The following NPFFR2 variants were observed in gnomAD, a reference collection of about 807,000 sequenced individuals.
NPFFR2 encodes G-protein coupled receptor 74.
A neutral mutation model predicts 13.1 loss-of-function variants in NPFFR2; 15 were observed. That is an observed-to-expected ratio of 1.15 (90% CI 0.77 to 1.76). The LOEUF is 1.76. Ranked by LOEUF, NPFFR2 falls within the 40% of genes most tolerant of loss-of-function variation. The probability of loss-of-function intolerance (pLI) is 0.00; values close to 1 mark genes in which losing one functional copy is unlikely to be tolerated. For synonymous variants in NPFFR2, 190 were observed against 175.7 expected (o/e 1.08, Z -0.65); for missense variants, 572 against 503.5 (o/e 1.14, Z -1.30).
At chr4:72,061,874 C>T (rs1012554300) in intron 1 of NPFFR2, among the ~76,000 whole-genome samples, 19 of 151,948 alleles carry the variant, frequency 1.3e-4, no homozygotes, top group African/African-American at 3.1e-4. Context: ...ATAGGTGCAG[C>T]GACCACCATG....
intron 2 of NPFFR2, among the ~76,000 whole-genome samples, chr4:72,131,310 C>T (rs531921266): frequency 6.6e-6 from 1 of 151,914 alleles, no homozygotes; most frequent in East Asian, 1.9e-4. Flanking sequence ...GCCTCCTGTC[C>T]ATATCAGTTA....
At chr4:72,107,864 A>C (rs2109816259) in intron 1 of NPFFR2, among the ~76,000 whole-genome samples, 1 of 152,162 alleles carries the variant, frequency 6.6e-6, no homozygotes, top group African/African-American at 2.4e-5. Flanking sequence ...CTAAAATATT[A>C]TTTATGTGTA....
intron 2 of NPFFR2, among the ~76,000 whole-genome samples, chr4:72,133,374 T>G (rs1275787596): frequency 3.9e-5 from 6 of 152,230 alleles, no homozygotes; most frequent in African/African-American, 1.4e-4. Context: ...TATGTGTCTA[T>G]TTTTGTACTA....
At chr4:72,119,945 T>C (rs1374985786) in intron 1 of NPFFR2, among the ~76,000 whole-genome samples, 1 of 152,024 alleles carries the variant, frequency 6.6e-6, no homozygotes, top group African/African-American at 2.4e-5. Context: ...TTCAATCCCC[T>C]GGAGAGAGGG....
At position 72,038,901 on chromosome 4, in the gene NPFFR2, C is replaced by CTTTTT. The variant is rs34623356; in HGVS notation, c.-8+6704_-8+6705insTTTTT. On this transcript the variant is annotated intron_variant, in intron 1 of 3. Coordinates refer to ENST00000308744, the MANE Select transcript of NPFFR2 (RefSeq NM_004885.3). ...TTTTAATTCTTGATTTTTAAATTTC[C>CTTTTT]TTTCTTTTTTTTTTTTTTTTTTTTT... Among the ~76,000 whole-genome samples, 361 of 86,882 alleles carry CTTTTT rather than the reference C, an allele frequency of 4.2e-3. 12 individuals carry two copies. Among genetic ancestry groups the CTTTTT allele is most frequent in the South Asian group, 0.011 (24 of 2,108 alleles). 57.0% of individuals were successfully genotyped at this position (86,882 alleles called of 152,430 possible).
chr4:72,068,861 C>A, intron 1 of NPFFR2: 5 of 408,242 alleles, frequency 1.2e-5, no homozygotes, highest in African/African-American at 4.3e-5. Flanking sequence ...TTTATCTTAT[C>A]TTTTTTCCTG....
intron 2 of NPFFR2, among the ~76,000 whole-genome samples, chr4:72,132,602 T>A (rs2109838369): frequency 6.6e-6 from 1 of 152,364 alleles, no homozygotes; most frequent in South Asian, 2.1e-4. Flanking sequence ...TGAACTCATT[T>A]ACATTTGCAC....
chr4:72,091,376 A>G (rs1456782060), intron 1 of NPFFR2, among the ~76,000 whole-genome samples: 1 of 152,066 alleles, frequency 6.6e-6, no homozygotes, highest in Non-Finnish European at 1.5e-5. Flanking sequence ...CTCTTTCTCT[A>G]TCTCTTGGAA....
At chr4:72,138,166 A>G in intron 3 of NPFFR2, 27 bp downstream of exon 3, 1 of 1,534,994 alleles carries the variant, frequency 6.5e-7, no homozygotes, top group Non-Finnish European at 9.0e-7. Flanking sequence ...CTCTGAATCC[A>G]GAAAAATTGG....
At position 72,147,868 on chromosome 4, in the gene NPFFR2, GC is replaced by G; in HGVS notation, c.*57del. ...TACGCATTATATATTTAAATCCATT[GC>G]TTTTTGTGGCTTTGCACTTCAAATT... On this transcript the variant is annotated 3_prime_UTR_variant, in exon 4 of 4. Coordinates refer to ENST00000308744, the MANE Select transcript of NPFFR2 (RefSeq NM_004885.3). 2 of 1,257,820 alleles carry G rather than the reference GC, an allele frequency of 1.6e-6. No individual in the cohort carries two copies. The highest frequency in any genetic ancestry group is 2.1e-6 in the Non-Finnish European group (2 of 936,482). The allele number at this position is 1,257,820 out of a possible 1,614,324, so 77.9% of individuals were successfully genotyped here.
intron 1 of NPFFR2, among the ~76,000 whole-genome samples, chr4:72,054,105 AC>A (rs1469627225): frequency 6.6e-6 from 1 of 151,978 alleles, no homozygotes; most frequent in African/African-American, 2.4e-5. Flanking sequence ...ATTCAATCCA[AC>A]AAAATCTCAG....
intron 1 of NPFFR2, among the ~76,000 whole-genome samples, chr4:72,039,825 C>T (rs1340377170): frequency 6.6e-6 from 1 of 152,142 alleles, no homozygotes; most frequent in African/African-American, 2.4e-5. Flanking sequence ...TTTCTAAGTA[C>T]TACAAATAAT....
In NPFFR2 at chr4:72,032,150, A is replaced by G. The variant is rs1315223204; in HGVS notation, c.-58A>G. 2 of 1,613,888 alleles carry G rather than the reference A, an allele frequency of 1.2e-6. No individual in the cohort carries two copies. Among genetic ancestry groups the G allele is most frequent in the African/African-American group, 1.3e-5 (1 of 75,048 alleles). On this transcript the variant is annotated 5_prime_UTR_variant, in exon 1 of 4. Coordinates refer to ENST00000308744, the MANE Select transcript of NPFFR2 (RefSeq NM_004885.3). ...GCAGGGACAGAACCTGTTGCTGCAG[A>G]CGGGCTTGGTGGATTCTGGTTCCTG...
chr4:72,128,510 C>T, intron 1 of NPFFR2, 75 bp from the exon 2 acceptor site: 1 of 884,824 alleles, frequency 1.1e-6, no homozygotes, highest in Non-Finnish European at 1.7e-6. Context: ...AAGTGTTCCT[C>T]TTAAACTCAG....
At chr4:72,069,603 TAAGAC>T (rs1424529332) in intron 1 of NPFFR2, among the ~76,000 whole-genome samples, 2 of 152,060 alleles carry the variant, frequency 1.3e-5, no homozygotes, top group South Asian at 2.1e-4. Flanking sequence ...ACGTTTGCGA[TAAGAC>T]AAGACAATAA....
chr4:72,068,927 G>A lies in NPFFR2; in HGVS notation c.-8+36727G>A, dbSNP rs962784429. 18 of 1,317,262 alleles carry A rather than the reference G, an allele frequency of 1.4e-5. 1 individual carries two copies. In the Admixed American group the frequency reaches 1.5e-4, roughly 11 times the overall value. The allele number at this position is 1,317,262 out of a possible 1,614,324, so 81.6% of individuals were successfully genotyped here. ...TTTATTTCCAGGTCTCCTCAGTTGCGAAATTAGGATGTTAATTATAGCTTT... is the reference window on the plus strand; with the variant it reads ...TTTATTTCCAGGTCTCCTCAGTTGCAAAATTAGGATGTTAATTATAGCTTT... On this transcript the variant is annotated intron_variant, in intron 1 of 3. Coordinates refer to ENST00000308744, the MANE Select transcript of NPFFR2 (RefSeq NM_004885.3).
intron 1 of NPFFR2, among the ~76,000 whole-genome samples, chr4:72,117,389 T>C (rs534938450): frequency 1.3e-5 from 2 of 152,336 alleles, no homozygotes; most frequent in East Asian, 3.9e-4. Context: ...AATAATCAAT[T>C]TTTAAAAATA....
At chr4:72,139,076 G>A (rs561994455) in intron 3 of NPFFR2, among the ~76,000 whole-genome samples, 10 of 151,556 alleles carry the variant, frequency 6.6e-5, no homozygotes, top group African/African-American at 2.2e-4. Flanking sequence ...AGAGGTGTCT[G>A]TTCATATACT....
Position 72,147,021 on chromosome 4 carries a change from A to G in NPFFR2, c.472A>G (p.Lys158Glu). Residue 158 changes from lysine to glutamate, a missense_variant, in exon 4 of 4, where the codon AAG becomes GAG. Transcript: ENST00000308744. The part of the protein sequence containing the change: ...VYPFKPKLTI[K>E]TAFVIIMIIW... ...CCCTTTTAAACCAAAGCTCACTATC[A>G]AGACAGCGTTTGTCATTATTATGAT... 1 of 1,614,062 alleles carries G rather than the reference A, an allele frequency of 6.2e-7. No individual in the cohort carries two copies. Among genetic ancestry groups the G allele is most frequent in the Non-Finnish European group, 8.5e-7 (1 of 1,179,972 alleles).
Sources: allele counts gnomAD v4.1 joint callset (sites outside exome capture counted in the v4.1 genomes callset), GRCh38; gene constraint gnomAD v4.1.1; transcripts MANE v1.5; gene names NCBI Gene and HGNC (gene_info 2026-07-23, HGNC 2026-07-21).